MAGI1: variants seen among roughly 807,000 people sequenced by gnomAD.
MAGI1 encodes the protein membrane-associated guanylate kinase, WW and PDZ domain-containing protein 1.
MAGI1 carries 58 observed loss-of-function variants against 139.9 expected under a neutral mutation model. The ratio of observed to expected loss-of-function variants is 0.41; its 90% confidence interval spans 0.34 to 0.52. The LOEUF is 0.52. Ranked by LOEUF, MAGI1 falls within the 20% of genes least tolerant of loss-of-function variation. The probability of loss-of-function intolerance (pLI) is 0.12; values close to 1 mark genes in which losing one functional copy is unlikely to be tolerated. For missense variants in MAGI1, 1,874 were observed against 1,901.6 expected (o/e 0.99, Z 0.27); for synonymous variants, 812 against 737.9 (o/e 1.10, Z -1.63).
At chr3:66,009,658 A>G (rs1304462498) in intron 1 of MAGI1, among the ~76,000 whole-genome samples, 2 of 152,216 alleles carry the variant, frequency 1.3e-5, no homozygotes, top group Non-Finnish European at 2.9e-5. Context: ...AGTGTCTACA[A>G]AGCTCTAAGC....
intron 10 of MAGI1, among the ~76,000 whole-genome samples, chr3:65,435,589 C>T (rs1174731415): frequency 6.6e-6 from 1 of 151,970 alleles, no homozygotes; most frequent in Non-Finnish European, 1.5e-5. Context: ...GATTATCTCA[C>T]AGTGAAAAAA....
intron 1 of MAGI1, among the ~76,000 whole-genome samples, chr3:65,790,387 G>A (rs1014039536): frequency 2.0e-5 from 3 of 152,164 alleles, no homozygotes; most frequent in Non-Finnish European, 2.9e-5. Context: ...TTGCAAAATA[G>A]TTGTCCAGCA....
At chr3:65,603,997 G>A (rs2082610937) in intron 2 of MAGI1, among the ~76,000 whole-genome samples, 1 of 151,970 alleles carries the variant, frequency 6.6e-6, no homozygotes, top group Admixed American at 6.6e-5. Flanking sequence ...ACTACATATT[G>A]GCCATTATGT....
intron 1 of MAGI1, among the ~76,000 whole-genome samples, chr3:65,789,186 AT>A (rs1279101016): frequency 6.6e-6 from 1 of 152,204 alleles, no homozygotes; most frequent in Non-Finnish European, 1.5e-5. Flanking sequence ...CTCTAAAAAA[AT>A]AACAAACAAA....
chr3:66,011,679 G>A (rs2067327013), intron 1 of MAGI1, among the ~76,000 whole-genome samples: 1 of 152,080 alleles, frequency 6.6e-6, no homozygotes, highest in South Asian at 2.1e-4. Context: ...CTTCCTGCAG[G>A]TCGGCTGGGC....
intron 1 of MAGI1, among the ~76,000 whole-genome samples, chr3:65,814,003 A>C (rs887135364): frequency 9.2e-5 from 14 of 152,198 alleles, no homozygotes; most frequent in Non-Finnish European, 2.1e-4. Context: ...AAATGATGCT[A>C]CTGCTTAAGC....
At chr3:65,578,219 T>G (rs554241423) in intron 2 of MAGI1, among the ~76,000 whole-genome samples, 18 of 152,252 alleles carry the variant, frequency 1.2e-4, no homozygotes, top group Middle Eastern at 3.4e-3. Flanking sequence ...TCCCATAAAT[T>G]CACAGTTTTA....
intron 1 of MAGI1, among the ~76,000 whole-genome samples, chr3:65,626,171 T>TA (rs1251612520): frequency 2.6e-5 from 4 of 152,240 alleles, no homozygotes; most frequent in Non-Finnish European, 4.4e-5. Context: ...ACGTCTATGA[T>TA]ATCCAAAATG....
intron 2 of MAGI1, among the ~76,000 whole-genome samples, chr3:65,546,401 A>G (rs967298205): frequency 3.9e-5 from 6 of 152,222 alleles, no homozygotes; most frequent in Non-Finnish European, 7.3e-5. Flanking sequence ...ATGGATCAAC[A>G]TTCAGTTTGC....
intron 1 of MAGI1, among the ~76,000 whole-genome samples, chr3:65,649,233 T>C (rs1199272691): frequency 1.3e-5 from 2 of 151,892 alleles, no homozygotes; most frequent in Admixed American, 1.3e-4. Flanking sequence ...ATACAAAAAA[T>C]TAGCCAGGTG....
At chr3:65,977,502 C>A (rs1192107616) in intron 1 of MAGI1, among the ~76,000 whole-genome samples, 1 of 152,136 alleles carries the variant, frequency 6.6e-6, no homozygotes, top group Non-Finnish European at 1.5e-5. Flanking sequence ...CCTGAGGCCA[C>A]AAGTTCACCA....
chr3:65,759,687 G>C (rs2036855662), intron 1 of MAGI1, among the ~76,000 whole-genome samples: 1 of 152,166 alleles, frequency 6.6e-6, no homozygotes, highest in Admixed American at 6.5e-5. Flanking sequence ...TGTTATTAAA[G>C]GCATAAAAGA....
At chr3:65,828,466 C>T (rs2042350380) in intron 1 of MAGI1, among the ~76,000 whole-genome samples, 1 of 152,168 alleles carries the variant, frequency 6.6e-6, no homozygotes, top group African/African-American at 2.4e-5. Context: ...TTAAACAGCC[C>T]CTTTTTTCAG....
intron 2 of MAGI1, among the ~76,000 whole-genome samples, chr3:65,495,485 G>C (rs1417406447): frequency 6.6e-6 from 1 of 151,950 alleles, no homozygotes; most frequent in Admixed American, 6.6e-5. Context: ...ATTATATATT[G>C]TATTTATTCA....
At chr3:66,036,683 C>G (rs1316644947) in intron 1 of MAGI1, among the ~76,000 whole-genome samples, 5 of 152,328 alleles carry the variant, frequency 3.3e-5, no homozygotes, top group African/African-American at 9.6e-5. Flanking sequence ...CGCCTGTTTC[C>G]AAGAGAGGAC....
At chr3:65,613,713 T>C (rs1030002536) in intron 2 of MAGI1, among the ~76,000 whole-genome samples, 2 of 152,314 alleles carry the variant, frequency 1.3e-5, no homozygotes, top group African/African-American at 4.8e-5. Context: ...ATGTGCTGTT[T>C]CAAGCATGCC....
At chr3:65,579,354 A>C (rs923799640) in intron 2 of MAGI1, among the ~76,000 whole-genome samples, 1 of 152,106 alleles carries the variant, frequency 6.6e-6, no homozygotes, top group Non-Finnish European at 1.5e-5. Flanking sequence ...CAGGACTGCC[A>C]CATATTTGGG....
At chr3:65,539,085 T>G (rs528219428) in intron 2 of MAGI1, among the ~76,000 whole-genome samples, 15 of 151,616 alleles carry the variant, frequency 9.9e-5, no homozygotes, top group South Asian at 2.1e-4. Flanking sequence ...CAGACACACG[T>G]AGCAACTACC....
At chr3:65,983,934 T>TA (rs1178004831) in intron 1 of MAGI1, among the ~76,000 whole-genome samples, 1 of 152,210 alleles carries the variant, frequency 6.6e-6, no homozygotes, top group African/African-American at 2.4e-5. Context: ...AAGTCGTACC[T>TA]AGCACCCAGG....
Sources: allele counts gnomAD v4.1 joint callset (sites outside exome capture counted in the v4.1 genomes callset), GRCh38; gene constraint gnomAD v4.1.1; transcripts MANE v1.5; gene names NCBI Gene and HGNC (gene_info 2026-07-23, HGNC 2026-07-21).